PRKAA2: variants seen among roughly 807,000 people sequenced by gnomAD.
PRKAA2 encodes protein kinase AMP-activated catalytic subunit alpha 2.
PRKAA2 carries 40 observed loss-of-function variants against 56.3 expected under a neutral mutation model. The ratio of observed to expected loss-of-function variants is 0.71; its 90% CI spans 0.55 to 0.92. The LOEUF (loss-of-function observed/expected upper bound fraction) is 0.92, where lower values mean the gene tolerates loss of function less well. PRKAA2 is among the 40% of genes least tolerant of loss of function. The pLI is 0.00. For missense variants in PRKAA2, 542 were observed against 686.9 expected, an observed-to-expected ratio of 0.79 and a Z score of 2.36; for synonymous variants, 214 against 234.2, an observed-to-expected ratio of 0.91 and a Z score of 0.79.
rs751150032 is a variant in PRKAA2, at chr1:56,645,526, C to T, written c.94+45C>T. ...CCGCTGTGCGGGGCTGCCTGACTTG[C>T]GGGAGGCCGAGGGGAGAGGCGGGAG... On this transcript the variant is annotated intron_variant, in intron 1 of 8. Transcript: ENST00000371244. 15 of 1,425,276 alleles carry T rather than the reference C, an allele frequency of 1.1e-5. No homozygotes were observed. In the South Asian group the frequency reaches 1.8e-4, roughly 17 times the overall value. 88.3% of individuals were successfully genotyped at this position (1,425,276 alleles called of 1,614,324 possible). A position where few individuals can be genotyped will look rare whatever the true frequency, so the allele number is the denominator to read the frequency against.
chr1:56,679,041 A>G (rs1226981035), intron 2 of PRKAA2, among the ~76,000 whole-genome samples: 1 of 152,056 alleles, frequency 6.6e-6, no homozygotes, highest in Non-Finnish European at 1.5e-5. Flanking sequence ...GCTTTTTAAC[A>G]TCATTAACCG....
intron 2 of PRKAA2, 86 bp downstream of exon 2, chr1:56,674,608 A>G: frequency 3.4e-6 from 4 of 1,165,266 alleles, no homozygotes; most frequent in Non-Finnish European, 3.5e-6. Flanking sequence ...TTAATTGTTA[A>G]CCTTTTACAA....
At chr1:56,652,127 C>A (rs1157990124) in intron 1 of PRKAA2, among the ~76,000 whole-genome samples, 1 of 151,814 alleles carries the variant, frequency 6.6e-6, no homozygotes, top group African/African-American at 2.4e-5. Context: ...ATTCCACTGC[C>A]TCGGCCTCCC....
At chr1:56,666,535 A>G (rs1291701849) in intron 1 of PRKAA2, among the ~76,000 whole-genome samples, 1 of 152,220 alleles carries the variant, frequency 6.6e-6, no homozygotes, top group Admixed American at 6.5e-5. Flanking sequence ...GTGAATGGGA[A>G]TTTAAATAGT....
At position 56,690,301 on chromosome 1, in the gene PRKAA2, C is replaced by G. The variant is rs986289687; in HGVS notation, c.237-1093C>G. Among the ~76,000 whole-genome samples the G allele has an allele frequency of 2.0e-5, 3 of 152,014 alleles. No homozygotes were observed. In the East Asian group the frequency reaches 5.8e-4, roughly 30 times the overall value. ...GCCTCAGCCTCCCGAGTAGCTGGGA[C>G]TACAGGTGCCCGCCACCATGCCCAG... On this transcript the variant is annotated intron_variant, in intron 2 of 8. Transcript: ENST00000371244.
chr1:56,665,052 G>T lies in PRKAA2; in HGVS notation c.95-9329G>T, dbSNP rs188449430. 2.5e-4 allele frequency among the ~76,000 whole-genome samples: 38 copies of T among 151,012 alleles called. 1 individual carries two copies. The highest frequency in any genetic ancestry group is 8.7e-4 in the African/African-American group (36 of 41,156). The stretch of plus-strand genomic sequence containing the variant: ...GAATTGTCTGGTCTTTCCTGCCTTG[G>T]ATATCCGCTCTAGCTAGTTCCTATC... On this transcript the variant is annotated intron_variant, in intron 1 of 8. Transcript: ENST00000371244.
At chr1:56,646,996 A>C (rs1337361928) in intron 1 of PRKAA2, among the ~76,000 whole-genome samples, 1 of 152,184 alleles carries the variant, frequency 6.6e-6, no homozygotes, top group Non-Finnish European at 1.5e-5. Context: ...TTATTGAGAA[A>C]AACGAATCAG....
chr1:56,669,452 G>GA (rs113014385), intron 1 of PRKAA2, among the ~76,000 whole-genome samples: 110 of 142,916 alleles, frequency 7.7e-4, no homozygotes, highest in Middle Eastern at 3.5e-3. Context: ...GACTGTCTCA[G>GA]AAAAAAAAAA....
rs1281204983 is a variant in PRKAA2 at position 56,711,161 on chromosome 1, T to C, written c.*3448T>C. 1.3e-5 allele frequency: 2 copies of C among 152,164 alleles called. No individual in the cohort carries two copies. Among genetic ancestry groups the C allele is most frequent in the Non-Finnish European group, 2.9e-5 (2 of 67,978 alleles). The allele number at this position is 152,164 out of a possible 1,614,324, so 9.4% of individuals were successfully genotyped here. A position where few individuals can be genotyped will look rare whatever the true frequency, so the allele number is the denominator to read the frequency against. On this transcript the variant is annotated 3_prime_UTR_variant, in exon 9 of 9. Transcript: ENST00000371244. ...TCTATGTCAGGGTATTGGCTATATG[T>C]AGCATGAACAATTCTCCATTTTCTG...
In PRKAA2 at chr1:56,713,467, G is replaced by A. The variant is rs1644382295; in HGVS notation, c.*5754G>A. The A allele has an allele frequency of 6.6e-6, 1 of 152,062 alleles. No individual in the cohort carries two copies. The highest frequency in any genetic ancestry group is 6.6e-5 in the Admixed American group (1 of 15,248). 9.4% of individuals were successfully genotyped at this position (152,062 alleles called of 1,614,324 possible). A position where few individuals can be genotyped will look rare whatever the true frequency, so the allele number is the denominator to read the frequency against. On this transcript the variant is annotated 3_prime_UTR_variant, in exon 9 of 9. Coordinates refer to ENST00000371244, the MANE Select transcript of PRKAA2 (RefSeq NM_006252.4). ...GCTCTTGATTGTTTGGACAAGCAGG[G>A]TAGGTAAATTTCAATTACGTTTGAA...
At chr1:56,694,602 T>G (rs1206601323) in intron 5 of PRKAA2, among the ~76,000 whole-genome samples, 1 of 152,090 alleles carries the variant, frequency 6.6e-6, no homozygotes, top group African/African-American at 2.4e-5. Context: ...GGTGAGGGTC[T>G]GCTTCCTAAT....
At chr1:56,704,797 C>T (rs201771400) in intron 7 of PRKAA2, among the ~76,000 whole-genome samples, 2 of 143,612 alleles carry the variant, frequency 1.4e-5, no homozygotes, top group African/African-American at 2.5e-5. Context: ...TTTACTTTCT[C>T]TTTTTTTTTT....
At position 56,659,145 on chromosome 1, in the gene PRKAA2, A is replaced by G. The variant is rs112702739; in HGVS notation, c.94+13664A>G. Among the ~76,000 whole-genome samples, 467 of 151,900 alleles carry G rather than the reference A, an allele frequency of 3.1e-3. 2 individuals are homozygous for G. The highest frequency in any genetic ancestry group is 0.01 in the African/African-American group (429 of 41,432). ...CTCTATTTTTTAATCTTAAATGATG[A>G]TGTAAAAATAAAGTTGATTTTCCTG... On this transcript the variant is annotated intron_variant, in intron 1 of 8. Coordinates refer to ENST00000371244, the MANE Select transcript of PRKAA2 (RefSeq NM_006252.4).
chr1:56,668,374 C>G (rs1644050670), intron 1 of PRKAA2, among the ~76,000 whole-genome samples: 2 of 150,250 alleles, frequency 1.3e-5, no homozygotes, highest in East Asian at 3.9e-4. Flanking sequence ...TGTAACAAAC[C>G]TGCACATTGT....
Position 56,713,155 on chromosome 1 carries a change from A to T in PRKAA2, c.*5442A>T, listed in dbSNP as rs985263402. 9 of 152,262 alleles carry T rather than the reference A, an allele frequency of 5.9e-5. No homozygotes were observed. Among genetic ancestry groups the T allele is most frequent in the East Asian group, 1.9e-4 (1 of 5,174 alleles). The allele number at this position is 152,262 out of a possible 1,614,324, so 9.4% of individuals were successfully genotyped here. The stretch of plus-strand genomic sequence containing the variant: ...TGCTGGCATCATTACTAGCCTTTCC[A>T]CCTATAATTATGATGCATTTGATGC... On this transcript the variant is annotated 3_prime_UTR_variant, in exon 9 of 9. Coordinates refer to ENST00000371244, the MANE Select transcript of PRKAA2 (RefSeq NM_006252.4).
rs1166666950 is a variant in PRKAA2 at position 56,707,648 on chromosome 1, C to T, written c.1594C>T (p.Leu532=). ...CACATTGTCTTCAGTTTCACCTCGC[C>T]TGGGCAGTCACACCATGGATTTTTT... ...GSTLSSVSPR[L]GSHTMDFFEM... The change falls in exon 9 of 9, where the codon CTG becomes TTG. Residue 532 remains leucine (L), a synonymous_variant. Transcript: ENST00000371244. 2 of 1,614,080 alleles carry T rather than the reference C, an allele frequency of 1.2e-6. No individual in the cohort carries two copies. The highest frequency in any genetic ancestry group is 1.1e-5 in the South Asian group (1 of 91,086).
chr1:56,695,147 GT>G (rs1314755769), intron 5 of PRKAA2, among the ~76,000 whole-genome samples: 141 of 145,594 alleles, frequency 9.7e-4, no homozygotes, highest in African/African-American at 3.6e-3. Context: ...GTACTTTAAT[GT>G]TTTAAATATC....
Position 56,704,303 on chromosome 1 carries a change from T to C in PRKAA2, c.1121T>C (p.Ile374Thr), listed in dbSNP as rs370525892. The change falls in exon 7 of 9, where the codon ATA becomes ACA. Residue 374 changes from isoleucine (I) to threonine (T), a missense_variant. This residue lies in a region of PRKAA2 where 198 missense variants were observed against 234.0 expected (regional missense o/e 0.85). Transcript: ENST00000371244. Reference protein sequence around the residue: ...KPHPERMPPLIADSPKARCPL... With the variant: ...KPHPERMPPLTADSPKARCPL... ...CATCCAGAAAGGATGCCACCTCTTA[T>C]AGCAGACAGCCCCAAAGCAAGATGT... 6.2e-6 allele frequency: 10 copies of C among 1,614,120 alleles called. No homozygotes were observed. Among genetic ancestry groups the C allele is most frequent in the South Asian group, 5.5e-5 (5 of 91,080 alleles).
At chr1:56,677,125 T>C (rs952174372) in intron 2 of PRKAA2, among the ~76,000 whole-genome samples, 1 of 152,178 alleles carries the variant, frequency 6.6e-6, no homozygotes. Flanking sequence ...CATTGTTTCT[T>C]TAACTTTAAA....
Sources: allele counts gnomAD v4.1 joint callset (sites outside exome capture counted in the v4.1 genomes callset), GRCh38; gene constraint gnomAD v4.1.1; regional missense constraint gnomAD v4.1.1; transcripts MANE v1.5; gene names NCBI Gene and HGNC (gene_info 2026-07-23, HGNC 2026-07-21).